The following LRP1B variants were observed in gnomAD, a reference collection of about 807,000 sequenced individuals.
The protein encoded by LRP1B is LDL receptor related protein 1B.
In LRP1B, 217 loss-of-function variants were observed where a neutral mutation model predicts 556.6. The ratio of observed to expected loss-of-function variants is 0.39; its 90% CI spans 0.35 to 0.44. The LOEUF is 0.44. Among genes scored for constraint, LRP1B ranks in the 20% least tolerant of loss-of-function variants. The probability of loss-of-function intolerance (pLI) is 1.00; values close to 1 mark genes in which losing one functional copy is unlikely to be tolerated. For missense variants in LRP1B, 5,053 were observed against 5,620.8 expected (o/e 0.90, Z 3.23); for synonymous variants, 2,047 against 1,865.8 (o/e 1.10, Z -2.50).
chr2:141,943,185 G>A (rs1032147254), intron 1 of LRP1B, among the ~76,000 whole-genome samples: 4 of 152,050 alleles, frequency 2.6e-5, no homozygotes, highest in African/African-American at 9.7e-5. Context: ...ACCTTTGTTT[G>A]TCTTGGAGGC....
intron 18 of LRP1B, among the ~76,000 whole-genome samples, chr2:140,966,256 G>A (rs1696218067): frequency 6.6e-6 from 1 of 152,194 alleles, no homozygotes; most frequent in Non-Finnish European, 1.5e-5. Context: ...TCTAACTGGT[G>A]TGAGATGGTA....
intron 43 of LRP1B, among the ~76,000 whole-genome samples, chr2:140,586,269 T>C (rs529085681): frequency 1.2e-4 from 18 of 152,232 alleles, no homozygotes; most frequent in Admixed American, 4.6e-4. Context: ...AGTGTCATTT[T>C]GTCTCATATA....
At chr2:141,364,025 C>T (rs762264764) in intron 3 of LRP1B, among the ~76,000 whole-genome samples, 6 of 152,042 alleles carry the variant, frequency 3.9e-5, no homozygotes, top group Non-Finnish European at 5.9e-5. Flanking sequence ...TTTTCTCCTC[C>T]ATATCATACT....
At chr2:140,392,514 A>T (rs1256101833) in intron 66 of LRP1B, among the ~76,000 whole-genome samples, 1 of 151,400 alleles carries the variant, frequency 6.6e-6, no homozygotes, top group Non-Finnish European at 1.5e-5. Flanking sequence ...TGGAGATGGG[A>T]TCTTGCTCTG....
At chr2:141,554,981 G>A (rs541912266) in intron 2 of LRP1B, among the ~76,000 whole-genome samples, 12 of 152,054 alleles carry the variant, frequency 7.9e-5, no homozygotes, top group Non-Finnish European at 1.6e-4. Context: ...TGGGAACTGC[G>A]TAACCTAATA....
intron 2 of LRP1B, among the ~76,000 whole-genome samples, chr2:141,757,945 T>G (rs1178763490): frequency 6.6e-6 from 1 of 152,144 alleles, no homozygotes; most frequent in Non-Finnish European, 1.5e-5. Flanking sequence ...CAATGGTGAA[T>G]GCAAAAAACT....
chr2:140,437,075 A>T (rs2105292735), intron 66 of LRP1B, among the ~76,000 whole-genome samples: 1 of 152,212 alleles, frequency 6.6e-6, no homozygotes, highest in South Asian at 2.1e-4. Flanking sequence ...TATCAACAGC[A>T]ACGTAAGATT....
rs574407403 is a variant in LRP1B at position 141,365,234 on chromosome 2, T to TTTGC, written c.344-110594_344-110593insGCAA. Among the ~76,000 whole-genome samples, 21 of 152,170 alleles carry TTTGC rather than the reference T, an allele frequency of 1.4e-4. No homozygotes were observed. The South Asian group carries it at 4.4e-3, about 32-fold the overall frequency. Reference sequence around the variant, plus strand: ...TGCATCTTTTTTGTTTGTTTGTTTGTTTGTTTGTTTGTAGAGCTAGGGTAT... The same window carrying TTTGC: ...TGCATCTTTTTTGTTTGTTTGTTTGTTTGCTTGTTTGTTTGTAGAGCTAGGGTAT... On this transcript the variant is annotated intron_variant, in intron 3 of 90. Coordinates refer to ENST00000389484, the MANE Select transcript of LRP1B (RefSeq NM_018557.3).
At chr2:141,350,249 T>G (rs1688397342) in intron 3 of LRP1B, among the ~76,000 whole-genome samples, 1 of 152,032 alleles carries the variant, frequency 6.6e-6, no homozygotes, top group East Asian at 1.9e-4. Flanking sequence ...AAAGTTGTTT[T>G]GGAATATGAA....
chr2:141,712,874 G>A (rs1411578694), intron 2 of LRP1B, among the ~76,000 whole-genome samples: 3 of 129,622 alleles, frequency 2.3e-5, no homozygotes, highest in African/African-American at 5.6e-5. Context: ...GAGATGGGGT[G>A]TCACCATGTT....
At chr2:141,090,357 T>C (rs940616260) in intron 7 of LRP1B, among the ~76,000 whole-genome samples, 1 of 152,206 alleles carries the variant, frequency 6.6e-6, no homozygotes, top group Non-Finnish European at 1.5e-5. Flanking sequence ...CTTTCTTGTA[T>C]TGAAAAACTT....
chr2:140,999,908 A>ACTT (rs1449576643), intron 15 of LRP1B, among the ~76,000 whole-genome samples: 17 of 151,906 alleles, frequency 1.1e-4, no homozygotes, highest in Non-Finnish European at 2.4e-4. Context: ...AGGACTATTT[A>ACTT]CTTATGTATT....
At chr2:141,038,060 G>C (rs972273326) in intron 11 of LRP1B, among the ~76,000 whole-genome samples, 10 of 151,760 alleles carry the variant, frequency 6.6e-5, no homozygotes, top group African/African-American at 2.4e-4. Flanking sequence ...AATCAATGTT[G>C]AGAGGTGAGT....
chr2:141,017,413 CATG>C (rs1697933176), intron 12 of LRP1B, among the ~76,000 whole-genome samples: 1 of 99,374 alleles, frequency 1.0e-5, no homozygotes, highest in Admixed American at 1.2e-4. Flanking sequence ...ATCATGGCAA[CATG>C]TTTTTTTTTT....
intron 1 of LRP1B, among the ~76,000 whole-genome samples, chr2:142,066,424 C>A (rs945180034): frequency 6.6e-6 from 1 of 151,528 alleles, no homozygotes; most frequent in African/African-American, 2.4e-5. Context: ...ATAAGTTCTG[C>A]TCTCCTCATA....
At chr2:140,639,464 G>A in intron 41 of LRP1B, among the ~76,000 whole-genome samples, 1 of 152,150 alleles carries the variant, frequency 6.6e-6, no homozygotes, top group East Asian at 1.9e-4. Flanking sequence ...TGCTTTACAT[G>A]AATAATTATG....
chr2:140,765,021 G>A (rs546561396), intron 35 of LRP1B, among the ~76,000 whole-genome samples: 1 of 152,142 alleles, frequency 6.6e-6, no homozygotes, highest in South Asian at 2.1e-4. Flanking sequence ...TAGAGACAGG[G>A]TCTCACTATA....
chr2:141,291,013 T>C (rs1328582390), intron 3 of LRP1B, among the ~76,000 whole-genome samples: 1 of 152,116 alleles, frequency 6.6e-6, no homozygotes, highest in African/African-American at 2.4e-5. Context: ...GTCACCACTC[T>C]CATTTCTAAG....
At chr2:140,429,279 T>C (rs1304949535) in intron 66 of LRP1B, among the ~76,000 whole-genome samples, 1 of 151,958 alleles carries the variant, frequency 6.6e-6, no homozygotes, top group East Asian at 1.9e-4. Context: ...TCAGGATCTG[T>C]GCCTTATCAA....
Sources: allele counts gnomAD v4.1 joint callset (sites outside exome capture counted in the v4.1 genomes callset), GRCh38; gene constraint gnomAD v4.1.1; transcripts MANE v1.5; gene names NCBI Gene and HGNC (gene_info 2026-07-23, HGNC 2026-07-21).